The following LRBA variants were observed in gnomAD, a reference collection of about 807,000 sequenced individuals.
LRBA encodes lipopolysaccharide-responsive and beige-like anchor protein.
LRBA carries 176 observed loss-of-function variants against 330.0 expected under a neutral mutation model. The ratio of observed to expected loss-of-function variants is 0.53; its 90% CI spans 0.47 to 0.60. The LOEUF (loss-of-function observed/expected upper bound fraction) is 0.60, where lower values mean the gene tolerates loss of function less well. Among genes scored for constraint, LRBA ranks in the 20% least tolerant of loss-of-function variants. The probability of loss-of-function intolerance (pLI) is 0.00; values close to 1 mark genes in which losing one functional copy is unlikely to be tolerated. For missense variants in LRBA, 3,259 were observed against 3,444.8 expected, an observed-to-expected ratio of 0.95 and a Z score of 1.35; for synonymous variants, 1,230 against 1,193.0, an observed-to-expected ratio of 1.03 and a Z score of -0.64.
intron 40 of LRBA, among the ~76,000 whole-genome samples, chr4:150,515,624 A>G (rs1218778146): frequency 6.6e-6 from 1 of 152,168 alleles, no homozygotes; most frequent in Non-Finnish European, 1.5e-5. Flanking sequence ...GTTGTAATAA[A>G]TGAAATAATA....
At chr4:150,788,239 ATTTTTTTTTT>A (rs377479266) in intron 34 of LRBA, among the ~76,000 whole-genome samples, 1 of 123,238 alleles carries the variant, frequency 8.1e-6, no homozygotes, top group African/African-American at 3.9e-5. Context: ...CACCCGGTTA[ATTTTTTTTTT>A]TTTTTTTTTT....
At chr4:150,558,628 T>C (rs1476367469) in intron 40 of LRBA, among the ~76,000 whole-genome samples, 1 of 152,204 alleles carries the variant, frequency 6.6e-6, no homozygotes, top group African/African-American at 2.4e-5. Context: ...GTTCCTTTTA[T>C]TGGAGCATGG....
chr4:150,887,654 A>C (rs1485761374), intron 17 of LRBA, among the ~76,000 whole-genome samples: 2 of 151,676 alleles, frequency 1.3e-5, no homozygotes. Context: ...CTGTAGTCAC[A>C]GCTACTCAGG....
At chr4:150,718,904 G>A (rs960854178) in intron 36 of LRBA, among the ~76,000 whole-genome samples, 9 of 151,992 alleles carry the variant, frequency 5.9e-5, no homozygotes, top group Non-Finnish European at 1.2e-4. Context: ...TAGTAATTGG[G>A]AAACAGATTA....
chr4:151,006,262 G>A (rs1579476135), intron 2 of LRBA, among the ~76,000 whole-genome samples: 1 of 152,162 alleles, frequency 6.6e-6, no homozygotes, highest in African/African-American at 2.4e-5. Flanking sequence ...AGAGGCGGAG[G>A]CTGCCGTGAG....
At chr4:150,922,283 A>G (rs1733369980) in intron 4 of LRBA, among the ~76,000 whole-genome samples, 1 of 151,996 alleles carries the variant, frequency 6.6e-6, no homozygotes, top group Admixed American at 6.6e-5. Flanking sequence ...TGTTAAAGGT[A>G]CTTCAAAAAG....
chr4:150,267,532 A>G (rs541794947), intron 56 of LRBA, among the ~76,000 whole-genome samples: 1 of 152,328 alleles, frequency 6.6e-6, no homozygotes, highest in East Asian at 1.9e-4. Flanking sequence ...GCAATGCTAA[A>G]ATGGAAATTT....
chr4:150,990,791 G>A (rs1741984844), intron 2 of LRBA, among the ~76,000 whole-genome samples: 1 of 152,026 alleles, frequency 6.6e-6, no homozygotes, highest in Admixed American at 6.6e-5. Context: ...TGGCCGAGGT[G>A]GGCGGATCAC....
intron 43 of LRBA, among the ~76,000 whole-genome samples, chr4:150,470,000 T>C (rs927914889): frequency 1.3e-5 from 2 of 152,044 alleles, no homozygotes; most frequent in African/African-American, 2.4e-5. Flanking sequence ...CTGGCCAACA[T>C]GGTGAAACCC....
chr4:150,946,363 C>T (rs879774034), intron 2 of LRBA, among the ~76,000 whole-genome samples: 1 of 152,054 alleles, frequency 6.6e-6, no homozygotes, highest in Non-Finnish European at 1.5e-5. Flanking sequence ...AGATTATATT[C>T]TGGGACATAA....
intron 40 of LRBA, among the ~76,000 whole-genome samples, chr4:150,497,543 T>C (rs1581492109): frequency 6.6e-6 from 1 of 152,184 alleles, no homozygotes; most frequent in South Asian, 2.1e-4. Flanking sequence ...TTTTCATCTA[T>C]ACAGTATATT....
chr4:150,575,600 A>C (rs1374666817), intron 40 of LRBA, among the ~76,000 whole-genome samples: 2 of 151,964 alleles, frequency 1.3e-5, no homozygotes, highest in African/African-American at 4.8e-5. Flanking sequence ...AAAATGTCTC[A>C]TATGACCTGA....
chr4:150,668,339 G>A lies in LRBA; in HGVS notation c.5921+15212C>T, dbSNP rs569885755. ...TACAAATTCATTAGTGGGTCTGGAGGGAAAGAGTGGTATCAGAGATCTCAC... is the reference window on the plus strand; with the variant it reads ...TACAAATTCATTAGTGGGTCTGGAGAGAAAGAGTGGTATCAGAGATCTCAC... On this transcript the variant is annotated intron_variant, in intron 37 of 56. Coordinates refer to ENST00000651943, the MANE Select transcript of LRBA (RefSeq NM_001364905.1). Among the ~76,000 whole-genome samples, 4 of 152,294 alleles carry A rather than the reference G, an allele frequency of 2.6e-5. No homozygotes were observed. In the South Asian group the frequency reaches 8.3e-4, roughly 32 times the overall value.
intron 2 of LRBA, among the ~76,000 whole-genome samples, chr4:150,931,371 G>A (rs1375557606): frequency 6.6e-6 from 1 of 150,766 alleles, no homozygotes; most frequent in Non-Finnish European, 1.5e-5. Flanking sequence ...GGTGGTTATT[G>A]TTATTATAAG....
In LRBA at chr4:150,556,511, CAT is replaced by C. The variant is rs1159769469; in HGVS notation, c.6330+31535_6330+31536del. ...TGTTTGTGAAATGAATAATTATATA[CAT>C]AGTTACACAGAATGTGAATACCTTA... On this transcript the variant is annotated intron_variant, in intron 40 of 56. Coordinates refer to ENST00000651943, the MANE Select transcript of LRBA (RefSeq NM_001364905.1). Among the ~76,000 whole-genome samples the C allele has an allele frequency of 2.0e-5, 3 of 152,268 alleles. No homozygotes were observed. In the East Asian group the frequency reaches 5.8e-4, roughly 29 times the overall value.
At chr4:151,005,392 C>T (rs1358722704) in intron 2 of LRBA, among the ~76,000 whole-genome samples, 2 of 116,198 alleles carry the variant, frequency 1.7e-5, no homozygotes, top group Non-Finnish European at 3.2e-5. Context: ...GAGCCAAGAT[C>T]GCACTATTGC....
chr4:150,992,102 G>T lies in LRBA; in HGVS notation c.216+22325C>A, dbSNP rs577926162. Among the ~76,000 whole-genome samples the T allele has an allele frequency of 9.9e-5, 15 of 152,258 alleles. No homozygotes were observed. In the South Asian group the frequency reaches 3.1e-3, roughly 32 times the overall value. On this transcript the variant is annotated intron_variant, in intron 2 of 56. Coordinates refer to ENST00000651943, the MANE Select transcript of LRBA (RefSeq NM_001364905.1). ...AGGCCAAGGCAGGTACAATCACTGA[G>T]GTCAGGAGTTCGAGACCAGCCTAGC... is the stretch of plus-strand genomic sequence containing the variant.
At chr4:150,300,536 C>T (rs1371402198) in intron 53 of LRBA, among the ~76,000 whole-genome samples, 3 of 151,954 alleles carry the variant, frequency 2.0e-5, no homozygotes, top group African/African-American at 7.2e-5. Context: ...CTGATAACAC[C>T]TTAACTCAGT....
chr4:150,828,634 C>G lies in LRBA; in HGVS notation c.4730-13G>C. 1 of 1,588,610 alleles carries G rather than the reference C, an allele frequency of 6.3e-7. No individual in the cohort carries two copies. Among genetic ancestry groups the G allele is most frequent in the South Asian group, 1.1e-5 (1 of 88,084 alleles). ...GCTGGTGTGATTTCTATATCATACC[C>G]AGAAACACAAGAAATAAACAAACAA... On this transcript the variant is annotated splice_polypyrimidine_tract_variant and intron_variant, in intron 29 of 56. Coordinates refer to ENST00000651943, the MANE Select transcript of LRBA (RefSeq NM_001364905.1).
Sources: gnomAD v4.1 joint callset for allele counts (sites outside exome capture counted in the v4.1 genomes callset) on GRCh38, gnomAD v4.1.1 for gene constraint, MANE v1.5 for transcripts, NCBI Gene and HGNC (gene_info 2026-07-23, HGNC 2026-07-21) for gene names.